EVI5: variants seen among roughly 807,000 people sequenced by gnomAD.
The protein encoded by EVI5 is ecotropic viral integration site 5.
In EVI5, 73 loss-of-function variants were observed where a neutral mutation model predicts 112.0. That is an observed-to-expected ratio of 0.65 (90% CI 0.54 to 0.79). EVI5 has a LOEUF of 0.79. EVI5 is among the 30% of genes least tolerant of loss of function. EVI5 has a pLI of 0.00. For missense variants in EVI5, 900 were observed against 968.8 expected, an observed-to-expected ratio of 0.93 and a Z score of 0.94; for synonymous variants, 305 against 319.9, an observed-to-expected ratio of 0.95 and a Z score of 0.50.
chr1:92,553,553 G>A (rs1046481336), intron 19 of EVI5, among the ~76,000 whole-genome samples: 6 of 151,534 alleles, frequency 4.0e-5, no homozygotes, highest in Non-Finnish European at 8.8e-5. Context: ...CCTCTGCCTC[G>A]GCCTCCCAAA....
intron 19 of EVI5, among the ~76,000 whole-genome samples, chr1:92,514,259 T>A (rs911410451): frequency 6.6e-6 from 1 of 152,156 alleles, no homozygotes; most frequent in Non-Finnish European, 1.5e-5. Context: ...GCTTAAGCGA[T>A]TCTCCCACCT....
chr1:92,547,529 A>C (rs1665961572), intron 19 of EVI5, among the ~76,000 whole-genome samples: 1 of 152,246 alleles, frequency 6.6e-6, no homozygotes, highest in Admixed American at 6.5e-5. Flanking sequence ...AGAGACACAA[A>C]AAACCCTTCA....
intron 1 of EVI5, among the ~76,000 whole-genome samples, chr1:92,770,343 C>T (rs1318812617): frequency 6.6e-6 from 1 of 152,166 alleles, no homozygotes; most frequent in Non-Finnish European, 1.5e-5. Flanking sequence ...TTTAACCAAT[C>T]CTCTATTGAT....
chr1:92,692,947 T>C (rs1669729237), intron 9 of EVI5, among the ~76,000 whole-genome samples: 1 of 152,244 alleles, frequency 6.6e-6, no homozygotes, highest in East Asian at 1.9e-4. Context: ...ACAGCTATTA[T>C]TTTAATTAAT....
chr1:92,613,692 G>T (rs903829553), intron 16 of EVI5, among the ~76,000 whole-genome samples: 1 of 152,092 alleles, frequency 6.6e-6, no homozygotes, highest in Admixed American at 6.5e-5. Flanking sequence ...GGGCTCAAGC[G>T]ATCCTCCCAC....
chr1:92,555,456 G>A (rs780802979), intron 19 of EVI5, among the ~76,000 whole-genome samples: 19 of 152,178 alleles, frequency 1.2e-4, no homozygotes, highest in African/African-American at 3.4e-4. Context: ...TTTACAGTAA[G>A]AATGTTAATT....
chr1:92,716,937 G>A (rs186865098), intron 2 of EVI5, among the ~76,000 whole-genome samples: 88 of 151,922 alleles, frequency 5.8e-4, no homozygotes, highest in Middle Eastern at 6.8e-3. Flanking sequence ...ATGACTTTGA[G>A]GAGATGACAG....
chr1:92,525,759 T>C (rs555905751), intron 19 of EVI5, among the ~76,000 whole-genome samples: 19 of 152,228 alleles, frequency 1.2e-4, no homozygotes, highest in Non-Finnish European at 1.3e-4. Flanking sequence ...GCTGGTACTA[T>C]TATTATACCA....
intron 18 of EVI5, among the ~76,000 whole-genome samples, chr1:92,598,995 G>C (rs970040245): frequency 3.3e-5 from 5 of 151,804 alleles, no homozygotes; most frequent in African/African-American, 7.3e-5. Flanking sequence ...GTTCTAAGTA[G>C]ACTGAATAAT....
At chr1:92,734,844 T>TA (rs1558169156) in intron 2 of EVI5, among the ~76,000 whole-genome samples, 129 of 151,810 alleles carry the variant, frequency 8.5e-4, no homozygotes, top group Middle Eastern at 6.8e-3. Flanking sequence ...AAATTTTTTT[T>TA]TAAAAATCAA....
intron 13 of EVI5, among the ~76,000 whole-genome samples, chr1:92,644,514 C>G (rs1660589700): frequency 6.6e-6 from 1 of 152,102 alleles, no homozygotes; most frequent in Non-Finnish European, 1.5e-5. Context: ...GATTTCTACA[C>G]TTTTTATTAT....
chr1:92,614,559 C>A (rs1343976365), intron 16 of EVI5, among the ~76,000 whole-genome samples: 1 of 151,776 alleles, frequency 6.6e-6, no homozygotes, highest in African/African-American at 2.4e-5. Context: ...CAGCTGCCAG[C>A]GAATATAAAG....
intron 18 of EVI5, among the ~76,000 whole-genome samples, chr1:92,594,219 T>A (rs1484329508): frequency 6.6e-6 from 1 of 152,096 alleles, no homozygotes; most frequent in Non-Finnish European, 1.5e-5. Flanking sequence ...AAAACAGAGA[T>A]ATAGATTAAT....
rs1358661221 is a variant in EVI5, at chr1:92,510,351, T to C, written c.*3305A>G. On this transcript the variant is annotated 3_prime_UTR_variant, in exon 20 of 20. Coordinates refer to ENST00000684568, the MANE Select transcript of EVI5 (RefSeq NM_001350197.2). Reference sequence around the variant, plus strand: ...GTGATGGGATTCTGGAGTTCTTTCCTTTCTTTCTCCTTCTCCAAAGATACA... The same window carrying C: ...GTGATGGGATTCTGGAGTTCTTTCCCTTCTTTCTCCTTCTCCAAAGATACA... The C allele has an allele frequency of 1.3e-5, 2 of 152,228 alleles. No individual in the cohort carries two copies. The highest frequency in any genetic ancestry group is 4.8e-5 in the African/African-American group (2 of 41,458). The allele number at this position is 152,228 out of a possible 1,614,324, so 9.4% of individuals were successfully genotyped here. A position where few individuals can be genotyped will look rare whatever the true frequency, so the allele number is the denominator to read the frequency against.
In EVI5 at chr1:92,636,403, G is replaced by C. The variant is rs78672268; in HGVS notation, c.1393-67C>G. On this transcript the variant is annotated intron_variant, in intron 13 of 19. Transcript: ENST00000684568. The stretch of plus-strand genomic sequence containing the variant: ...AACATGTATATACAATAAAAACAAT[G>C]CAACCACATAATACAGTTATATTAC... 2.1e-3 allele frequency: 2,807 copies of C among 1,338,704 alleles called. 36 individuals are homozygous for C. The East Asian group carries it at 0.032, about 15-fold the overall frequency. 82.9% of individuals were successfully genotyped at this position (1,338,704 alleles called of 1,614,324 possible). A position where few individuals can be genotyped will look rare whatever the true frequency, so the allele number is the denominator to read the frequency against.
intron 1 of EVI5, among the ~76,000 whole-genome samples, chr1:92,746,338 T>C (rs1229440727): frequency 6.6e-6 from 1 of 152,244 alleles, no homozygotes; most frequent in East Asian, 1.9e-4. Context: ...TCAATGACTT[T>C]TGATTAATTT....
chr1:92,656,365 A>C (rs891043259), intron 13 of EVI5, among the ~76,000 whole-genome samples: 3 of 152,100 alleles, frequency 2.0e-5, no homozygotes, highest in African/African-American at 7.2e-5. Flanking sequence ...GAGACACAAC[A>C]TACAAAAACC....
chr1:92,656,988 C>T (rs1423112659), intron 13 of EVI5, among the ~76,000 whole-genome samples: 2 of 152,108 alleles, frequency 1.3e-5, no homozygotes, highest in African/African-American at 4.8e-5. Context: ...TCTCCTGAAA[C>T]TCTTCCAAAA....
intron 19 of EVI5, among the ~76,000 whole-genome samples, chr1:92,557,845 T>G (rs568877742): frequency 1.3e-5 from 2 of 152,000 alleles, no homozygotes; most frequent in African/African-American, 4.8e-5. Flanking sequence ...CCACCTCAGC[T>G]TCCCAAGTAG....
Sources: allele counts gnomAD v4.1 joint callset (sites outside exome capture counted in the v4.1 genomes callset), GRCh38; gene constraint gnomAD v4.1.1; transcripts MANE v1.5; gene names NCBI Gene and HGNC (gene_info 2026-07-23, HGNC 2026-07-21).